Variants in UGGT2 observed in about 807,000 individuals in gnomAD.
UGGT2 encodes UDP-glucose glycoprotein glucosyltransferase 2, also known as UDP-glucose:glycoprotein glucosyltransferase 2.
A neutral mutation model predicts 192.1 loss-of-function variants in UGGT2; 180 were observed. That is an observed-to-expected ratio of 0.94 (90% CI 0.83 to 1.06). The LOEUF is 1.06. Among genes scored for constraint, UGGT2 ranks in the 50% least tolerant of loss-of-function variants. UGGT2 has a pLI of 0.00. For synonymous variants in UGGT2, 580 were observed against 591.0 expected (o/e 0.98, Z 0.27); for missense variants, 1,849 against 1,795.7 (o/e 1.03, Z -0.54).
At chr13:95,855,738 A>G (rs1425600219) in intron 34 of UGGT2, among the ~76,000 whole-genome samples, 1 of 152,202 alleles carries the variant, frequency 6.6e-6, no homozygotes, top group Non-Finnish European at 1.5e-5. Context: ...TTATTGGTTG[A>G]ATGCGAAAGA....
rs936973149 is a variant in UGGT2 at position 95,928,363 on chromosome 13, C to T, written c.1978-1027G>A. ...GCTGCCCCCCACCTCCCGGACAGGA[C>T]GGCTGCCGGGCGGAGACGCTCCTCA... is the stretch of plus-strand genomic sequence containing the variant. On this transcript the variant is annotated intron_variant, in intron 17 of 38. Transcript: ENST00000376747. Among the ~76,000 whole-genome samples the T allele has an allele frequency of 1.2e-4, 10 of 84,728 alleles. No homozygotes were observed. In the East Asian group the frequency reaches 1.5e-3, roughly 12 times the overall value. The allele number at this position is 84,728 out of a possible 152,430, so 55.6% of individuals were successfully genotyped here.
At chr13:96,013,539 T>C in intron 4 of UGGT2, 58 bp from the exon 5 acceptor site, 1 of 1,191,778 alleles carries the variant, frequency 8.4e-7, no homozygotes. Flanking sequence ...GGCATATCAA[T>C]TCTGTATAAT....
intron 29 of UGGT2, among the ~76,000 whole-genome samples, chr13:95,874,954 G>A (rs1475556336): frequency 6.6e-6 from 1 of 152,096 alleles, no homozygotes; most frequent in African/African-American, 2.4e-5. Flanking sequence ...GCCTCCCAAA[G>A]TGCTAGGATT....
intron 17 of UGGT2, among the ~76,000 whole-genome samples, chr13:95,932,954 A>AT (rs754351487): frequency 1.4e-4 from 22 of 152,146 alleles, no homozygotes; most frequent in Non-Finnish European, 1.9e-4. Flanking sequence ...CGGTGAATTA[A>AT]TTTTTTGATA....
intron 7 of UGGT2, chr13:95,990,562 G>A (rs1332789855): frequency 6.6e-6 from 1 of 152,118 alleles, no homozygotes; most frequent in Non-Finnish European, 1.5e-5. Context: ...ATCTTTTAGA[G>A]AGCCAAATAA....
chr13:96,012,044 C>A (rs2052177638), intron 5 of UGGT2, among the ~76,000 whole-genome samples: 1 of 151,892 alleles, frequency 6.6e-6, no homozygotes, highest in Non-Finnish European at 1.5e-5. Context: ...GTTGAACTAC[C>A]AGATATCAAA....
Position 95,943,742 on chromosome 13 carries a change from A to T in UGGT2, c.1677+3295T>A, listed in dbSNP as rs1368355542. On this transcript the variant is annotated intron_variant, in intron 15 of 38. Transcript: ENST00000376747. ...GGCAAGTCTGGAATTTTAAATAAAA[A>T]TTTGTTTCTTTTAAATATTTTAAAT... Among the ~76,000 whole-genome samples the T allele has an allele frequency of 5.3e-5, 8 of 151,954 alleles. No homozygotes were observed. The East Asian group carries it at 1.3e-3, about 26-fold the overall frequency.
intron 20 of UGGT2, among the ~76,000 whole-genome samples, chr13:95,911,698 C>T (rs532540914): frequency 4.6e-4 from 69 of 150,138 alleles, no homozygotes; most frequent in African/African-American, 1.7e-3. Context: ...CTATTCCAAT[C>T]AATAGAAAAA....
chr13:95,821,785 G>T (rs1463092116), intron 38 of UGGT2, among the ~76,000 whole-genome samples: 2 of 152,096 alleles, frequency 1.3e-5, no homozygotes, highest in African/African-American at 2.4e-5. Flanking sequence ...TATGTGGCTT[G>T]CAAGTTTTCC....
chr13:95,819,831 G>C (rs1192094750), intron 38 of UGGT2, among the ~76,000 whole-genome samples: 1 of 152,098 alleles, frequency 6.6e-6, no homozygotes, highest in Non-Finnish European at 1.5e-5. Flanking sequence ...AAAAACAGGA[G>C]AAAAATAAGA....
At chr13:95,968,727 T>A (rs940870818) in intron 12 of UGGT2, among the ~76,000 whole-genome samples, 1 of 152,082 alleles carries the variant, frequency 6.6e-6, no homozygotes, top group African/African-American at 2.4e-5. Context: ...CAAGTAAACT[T>A]CTTTTTTTTA....
rs1046875696 is a variant in UGGT2 at position 95,804,831 on chromosome 13, T to C, written c.4529-3019A>G. 4.3e-4 allele frequency among the ~76,000 whole-genome samples: 66 copies of C among 152,232 alleles called. 1 individual carries two copies. The highest frequency in any genetic ancestry group is 1.3e-3 in the African/African-American group (55 of 41,576). On this transcript the variant is annotated intron_variant, in intron 38 of 38. Coordinates refer to ENST00000376747, the MANE Select transcript of UGGT2 (RefSeq NM_020121.4). ...AACCTAAATATAAGACCTGAAATTA[T>C]AAAACTCCTGAGGAACACATAGGGA...
intron 20 of UGGT2, among the ~76,000 whole-genome samples, chr13:95,904,403 C>T (rs1339797883): frequency 6.6e-6 from 1 of 150,586 alleles, no homozygotes; most frequent in Non-Finnish European, 1.5e-5. Flanking sequence ...ATTAACTCGT[C>T]ATCTAGCATT....
At position 95,801,731 on chromosome 13, in the gene UGGT2, C is replaced by A. The variant is rs993196382; in HGVS notation, c.*59G>T. ...TCGTCTCAGCAGGGGCTCCAGACTT[C>A]CCCAGCAGGCGGCAGGTTTCCTGTC... On this transcript the variant is annotated 3_prime_UTR_variant, in exon 39 of 39. Coordinates refer to ENST00000376747, the MANE Select transcript of UGGT2 (RefSeq NM_020121.4). 14 of 1,595,040 alleles carry A rather than the reference C, an allele frequency of 8.8e-6. No individual in the cohort carries two copies. Among genetic ancestry groups the A allele is most frequent in the Non-Finnish European group, 1.0e-5 (12 of 1,169,152 alleles).
intron 4 of UGGT2, among the ~76,000 whole-genome samples, chr13:96,015,102 C>A (rs2052287083): frequency 6.6e-6 from 1 of 151,768 alleles, no homozygotes; most frequent in African/African-American, 2.4e-5. Flanking sequence ...CATGGTGAAA[C>A]CCTGTCTGTA....
chr13:95,972,526 A>G (rs2050804754), intron 11 of UGGT2, 54 bp downstream of exon 11: 1 of 1,380,410 alleles, frequency 7.2e-7, no homozygotes, highest in Non-Finnish European at 1.0e-6. Flanking sequence ...ATTCAAGACA[A>G]TGTTTATTTT....
intron 10 of UGGT2, among the ~76,000 whole-genome samples, chr13:95,980,042 G>A (rs2051066721): frequency 6.6e-6 from 1 of 152,168 alleles, no homozygotes; most frequent in Admixed American, 6.5e-5. Flanking sequence ...TTACAATGTT[G>A]GTGGGAATGT....
rs1341812692 is a variant in UGGT2 at position 95,986,386 on chromosome 13, A to T, written c.978T>A (p.Tyr326Ter). The stretch of plus-strand genomic sequence containing the variant: ...TGTCTTTCATTAATTTAATGGAATC[A>T]TAAACTGGAGCGGACATTATTTGAG... The part of the protein sequence containing the change: ...AASQIMSAPV[Y>*]DSIKLMKDIS... Residue 326 changes from tyrosine (Y) to a stop codon, truncating the protein, a stop_gained, in exon 9 of 39, where the codon TAT becomes TAA. Coordinates refer to ENST00000376747, the MANE Select transcript of UGGT2 (RefSeq NM_020121.4). LOFTEE classifies it high-confidence loss of function. 6.2e-7 allele frequency: 1 copy of T among 1,603,472 alleles called. No homozygotes were observed. Among genetic ancestry groups the T allele is most frequent in the Non-Finnish European group, 8.5e-7 (1 of 1,173,200 alleles).
intron 36 of UGGT2, among the ~76,000 whole-genome samples, chr13:95,847,563 C>CT (rs1888597338): frequency 6.6e-6 from 1 of 152,260 alleles, no homozygotes. Flanking sequence ...AGTATGTAAT[C>CT]TTTTCAGATT....
Sources: gnomAD v4.1 joint callset for allele counts (sites outside exome capture counted in the v4.1 genomes callset) on GRCh38, gnomAD v4.1.1 for gene constraint, MANE v1.5 for transcripts, NCBI Gene and HGNC (gene_info 2026-07-23, HGNC 2026-07-21) for gene names.